Variants in MAGI2 observed in about 807,000 individuals in gnomAD.
MAGI2 encodes membrane associated guanylate kinase, WW and PDZ domain containing 2, also known as membrane-associated guanylate kinase, WW and PDZ domain-containing protein 2.
Under a neutral mutation model 133.3 loss-of-function variants are expected in MAGI2, and 35 were observed. The ratio of observed to expected loss-of-function variants is 0.26; its 90% CI spans 0.20 to 0.35. MAGI2 has a LOEUF of 0.35. MAGI2 is among the 10% of genes least tolerant of loss of function. The probability of loss-of-function intolerance (pLI) is 1.00; values close to 1 mark genes in which losing one functional copy is unlikely to be tolerated. For synonymous variants in MAGI2, 729 were observed against 710.6 expected (o/e 1.03, Z -0.41); for missense variants, 1,636 against 1,863.4 (o/e 0.88, Z 2.25).
intron 3 of MAGI2, among the ~76,000 whole-genome samples, chr7:78,526,723 A>G (rs2150604065): frequency 6.6e-6 from 1 of 152,246 alleles, no homozygotes; most frequent in East Asian, 1.9e-4. Flanking sequence ...ACAAATAGAA[A>G]AGTTGGCCGG....
intron 2 of MAGI2, among the ~76,000 whole-genome samples, chr7:78,741,185 T>A (rs1363983531): frequency 3.9e-5 from 6 of 152,060 alleles, no homozygotes; most frequent in Admixed American, 6.6e-5. Context: ...GGAATTCTCA[T>A]GAAATATCTT....
chr7:78,029,652 C>T lies in MAGI2; in HGVS notation c.3707-9676G>A, dbSNP rs377028537. On this transcript the variant is annotated intron_variant, in intron 21 of 21. Coordinates refer to ENST00000354212, the MANE Select transcript of MAGI2 (RefSeq NM_012301.4). ...AGGCTCTAACAGAACAGTCTGCAAA[C>T]GACTGCGTGTTGAAAACTACTGCGT... 2.2e-4 allele frequency among the ~76,000 whole-genome samples: 34 copies of T among 152,336 alleles called. No homozygotes were observed. In the South Asian group the frequency reaches 6.4e-3, roughly 29 times the overall value.
chr7:78,977,926 T>TC (rs1430054435), intron 2 of MAGI2, among the ~76,000 whole-genome samples: 1 of 151,734 alleles, frequency 6.6e-6, no homozygotes, highest in Non-Finnish European at 1.5e-5. Flanking sequence ...GTAAAGACGT[T>TC]CAACATCATT....
rs112534150 is a variant in MAGI2, at chr7:78,679,611, C to T, written c.419-52372G>A. Among the ~76,000 whole-genome samples, 1,059 of 152,234 alleles carry T rather than the reference C, an allele frequency of 7.0e-3. 11 individuals carry two copies. Among genetic ancestry groups the T allele is most frequent in the African/African-American group, 0.024 (1,013 of 41,552 alleles). ...TCCTTTCAAAGACAGAAAGTGTTCA[C>T]GATCACAAAGTCATTCTGACGAAGT... On this transcript the variant is annotated intron_variant, in intron 2 of 21. Coordinates refer to ENST00000354212, the MANE Select transcript of MAGI2 (RefSeq NM_012301.4).
At chr7:78,284,193 AC>A (rs1230510415) in intron 9 of MAGI2, among the ~76,000 whole-genome samples, 3 of 152,276 alleles carry the variant, frequency 2.0e-5, no homozygotes, top group East Asian at 1.9e-4. Flanking sequence ...GCCAGTTTAC[AC>A]CTGAAATGGC....
chr7:78,271,873 G>C (rs1343708711), intron 9 of MAGI2, among the ~76,000 whole-genome samples: 1 of 150,932 alleles, frequency 6.6e-6, no homozygotes, highest in African/African-American at 2.4e-5. Context: ...CAGTCTATTT[G>C]GTTGACCTTT....
chr7:79,420,523 G>A (rs1045549642), intron 1 of MAGI2, among the ~76,000 whole-genome samples: 2 of 151,848 alleles, frequency 1.3e-5, no homozygotes, highest in African/African-American at 4.8e-5. Flanking sequence ...TGTGATCAAT[G>A]TGAAAGTTAA....
At chr7:78,181,899 A>G (rs965079835) in intron 13 of MAGI2, among the ~76,000 whole-genome samples, 2 of 152,226 alleles carry the variant, frequency 1.3e-5, no homozygotes, top group African/African-American at 4.8e-5. Flanking sequence ...TGCTTTTGAA[A>G]GAAGTAGCTC....
At chr7:79,275,681 C>T (rs1287222978) in intron 1 of MAGI2, among the ~76,000 whole-genome samples, 1 of 152,110 alleles carries the variant, frequency 6.6e-6, no homozygotes, top group Non-Finnish European at 1.5e-5. Flanking sequence ...CAATGTCTGC[C>T]TTCAAAGCAT....
chr7:78,922,385 C>T (rs1374510031), intron 2 of MAGI2, among the ~76,000 whole-genome samples: 2 of 150,668 alleles, frequency 1.3e-5, no homozygotes, highest in Non-Finnish European at 3.0e-5. Flanking sequence ...ATGTTCTCCT[C>T]CCTGTGTCCA....
At chr7:78,806,557 C>T (rs939850925) in intron 2 of MAGI2, among the ~76,000 whole-genome samples, 2 of 152,040 alleles carry the variant, frequency 1.3e-5, no homozygotes, top group African/African-American at 4.8e-5. Flanking sequence ...ATTTATGACA[C>T]AATTTTACTT....
Position 78,772,929 on chromosome 7 carries a change from T to G in MAGI2, c.419-145690A>C, listed in dbSNP as rs183491063. Among the ~76,000 whole-genome samples, 200 of 152,354 alleles carry G rather than the reference T, an allele frequency of 1.3e-3. 2 individuals are homozygous for G. In the Middle Eastern group the frequency reaches 0.031, roughly 23 times the overall value. On this transcript the variant is annotated intron_variant, in intron 2 of 21. Transcript: ENST00000354212. ...AATCTGCTGTTCTTTCACCTTTTCT[T>G]TTTTCCCTCTAGCATTGGCTGTTTT...
intron 2 of MAGI2, among the ~76,000 whole-genome samples, chr7:78,920,891 T>C (rs1457487413): frequency 1.3e-5 from 2 of 152,126 alleles, no homozygotes; most frequent in Admixed American, 6.6e-5. Flanking sequence ...TGGTTAACCA[T>C]TGTTTTTATA....
intron 10 of MAGI2, among the ~76,000 whole-genome samples, chr7:78,212,824 G>A (rs1208217786): frequency 1.3e-5 from 2 of 152,124 alleles, no homozygotes; most frequent in Non-Finnish European, 2.9e-5. Context: ...GGGATTACAG[G>A]CATGTACTGC....
intron 6 of MAGI2, among the ~76,000 whole-genome samples, chr7:78,418,880 T>G (rs899680506): frequency 1.3e-5 from 2 of 152,136 alleles, no homozygotes; most frequent in African/African-American, 2.4e-5. Flanking sequence ...ATAGGAATAG[T>G]AATAGTTGTG....
intron 2 of MAGI2, among the ~76,000 whole-genome samples, chr7:78,781,380 CAAAAAA>C (rs748533885): frequency 9.9e-6 from 1 of 101,028 alleles, no homozygotes; most frequent in Admixed American, 1.2e-4. Context: ...CTCCGTCTCA[CAAAAAA>C]AAAAAAAAAA....
chr7:78,747,731 G>A (rs1371521768), intron 2 of MAGI2, among the ~76,000 whole-genome samples: 6 of 152,078 alleles, frequency 3.9e-5, no homozygotes, highest in Non-Finnish European at 8.8e-5. Context: ...CTGCATCCGT[G>A]GTGACTGAGT....
At position 79,405,435 on chromosome 7, in the gene MAGI2, T is replaced by C. The variant is rs557643171; in HGVS notation, c.301+47585A>G. On this transcript the variant is annotated intron_variant, in intron 1 of 21. Coordinates refer to ENST00000354212, the MANE Select transcript of MAGI2 (RefSeq NM_012301.4). Reference sequence around the variant, plus strand: ...AGAATAGCTGAGTATTCAGACAGCATTGGCCAAATTCCATAGTGTATAATT... The same window carrying C: ...AGAATAGCTGAGTATTCAGACAGCACTGGCCAAATTCCATAGTGTATAATT... Among the ~76,000 whole-genome samples the C allele has an allele frequency of 1.4e-3, 218 of 152,266 alleles. 1 individual carries two copies. In the South Asian group the frequency reaches 0.017, roughly 12 times the overall value.
intron 1 of MAGI2, among the ~76,000 whole-genome samples, chr7:79,353,161 G>A (rs986865310): frequency 6.6e-6 from 1 of 152,080 alleles, no homozygotes; most frequent in Non-Finnish European, 1.5e-5. Context: ...AACAAACATA[G>A]TGGTCCTGGA....
Sources: gnomAD v4.1 joint callset for allele counts (sites outside exome capture counted in the v4.1 genomes callset) on GRCh38, gnomAD v4.1.1 for gene constraint, MANE v1.5 for transcripts, NCBI Gene and HGNC (gene_info 2026-07-23, HGNC 2026-07-21) for gene names.